Variants in ARFGEF2 observed in about 807,000 individuals in gnomAD.
ARFGEF2 encodes ARF guanine nucleotide exchange factor 2.
A neutral mutation model predicts 219.9 loss-of-function variants in ARFGEF2; 74 were observed. The ratio of observed to expected loss-of-function variants is 0.34; its 90% confidence interval spans 0.28 to 0.41. ARFGEF2 has a LOEUF of 0.41. ARFGEF2 is among the 10% of genes least tolerant of loss of function. ARFGEF2 has a pLI of 1.00. For synonymous variants in ARFGEF2, 733 were observed against 799.2 expected, an observed-to-expected ratio of 0.92 and a Z score of 1.40; for missense variants, 1,743 against 2,218.3, an observed-to-expected ratio of 0.79 and a Z score of 4.30.
At chr20:49,004,569 G>T (rs1316000601) in intron 25 of ARFGEF2, among the ~76,000 whole-genome samples, 2 of 151,996 alleles carry the variant, frequency 1.3e-5, no homozygotes, top group African/African-American at 4.8e-5. Flanking sequence ...GGGAGGCCAA[G>T]GCAGGTGGAT....
intron 27 of ARFGEF2, among the ~76,000 whole-genome samples, chr20:49,010,994 C>T (rs1191565030): frequency 1.3e-5 from 2 of 152,104 alleles, no homozygotes; most frequent in East Asian, 1.9e-4. Flanking sequence ...TTTACATTTT[C>T]GTGCTTTTTG....
rs555514653 is a variant in ARFGEF2 at position 48,932,931 on chromosome 20, T to G, written c.122-8268T>G. Among the ~76,000 whole-genome samples the G allele has an allele frequency of 1.9e-3, 294 of 152,018 alleles. 5 individuals carry two copies. Among genetic ancestry groups the G allele is most frequent in the Non-Finnish European group, 2.1e-3 (145 of 67,950 alleles). ...TAGAAGTCTGAGGAGTGTGGAAGGG[T>G]TACTGTGGGATCTGGGGGCATTGGC... On this transcript the variant is annotated intron_variant, in intron 1 of 38. Coordinates refer to ENST00000371917, the MANE Select transcript of ARFGEF2 (RefSeq NM_006420.3).
At chr20:48,924,480 C>A (rs1394545461) in intron 1 of ARFGEF2, among the ~76,000 whole-genome samples, 1 of 144,534 alleles carries the variant, frequency 6.9e-6, no homozygotes, top group Non-Finnish European at 1.5e-5. Context: ...CCACTGCACT[C>A]CAGCCTGGGC....
intron 1 of ARFGEF2, among the ~76,000 whole-genome samples, chr20:48,931,933 T>C (rs1034750630): frequency 6.6e-6 from 1 of 152,210 alleles, no homozygotes; most frequent in African/African-American, 2.4e-5. Flanking sequence ...GGCATCCCTC[T>C]GGCTGCTGTT....
intron 1 of ARFGEF2, among the ~76,000 whole-genome samples, chr20:48,929,396 T>A (rs905103597): frequency 1.3e-5 from 2 of 152,372 alleles, no homozygotes; most frequent in Admixed American, 1.3e-4. Context: ...GCCTGTTGAC[T>A]AAACCAGACC....
intron 16 of ARFGEF2, among the ~76,000 whole-genome samples, chr20:48,987,440 T>C (rs1307575710): frequency 6.6e-6 from 1 of 152,246 alleles, no homozygotes; most frequent in African/African-American, 2.4e-5. Context: ...ACATATTGTT[T>C]AGAACAACAT....
intron 3 of ARFGEF2, among the ~76,000 whole-genome samples, chr20:48,946,451 C>A (rs2091027474): frequency 6.6e-6 from 1 of 151,190 alleles, no homozygotes; most frequent in African/African-American, 2.4e-5. Flanking sequence ...AAGTAGTCCC[C>A]AAGTTTTTCT....
Position 48,973,239 on chromosome 20 carries a change from T to C in ARFGEF2, c.1620T>C (p.Ile540=), listed in dbSNP as rs1250990386. Residue 540 remains isoleucine (I), a synonymous_variant, in exon 12 of 39, where the codon ATT becomes ATC. Transcript: ENST00000371917. ...FERLVNDLSK[I]AQGRSGHELG... Reference sequence around the variant, plus strand: ...GCCTTGTAAATGATTTATCCAAAATTGCTCAGGGAAGAAGTGGACATGAGC... The same window carrying C: ...GCCTTGTAAATGATTTATCCAAAATCGCTCAGGGAAGAAGTGGACATGAGC... 6.2e-7 allele frequency: 1 copy of C among 1,614,094 alleles called. No individual in the cohort carries two copies. Among genetic ancestry groups the C allele is most frequent in the African/African-American group, 1.3e-5 (1 of 74,934 alleles).
chr20:48,994,929 AG>A (rs1229171602), intron 22 of ARFGEF2, among the ~76,000 whole-genome samples: 1 of 152,128 alleles, frequency 6.6e-6, no homozygotes, highest in Non-Finnish European at 1.5e-5. Context: ...TAGGTTTTAA[AG>A]GGTAGGTTCA....
chr20:48,921,957 A>C lies in ARFGEF2; in HGVS notation c.68A>C (p.Glu23Ala). ...CTGGAGAAGATCCTAGCCGACAAGG[A>C]GGTGAAGCGGCCCCAGCACTCCCAG... ...RALEKILADK[E>A]VKRPQHSQLR... is the part of the protein sequence containing the mutation. The change falls in exon 1 of 39, where the codon GAG becomes GCG. Residue 23 changes from glutamate to alanine, a missense_variant. Glu to Ala is a moderately radical substitution (Grantham distance 107). This residue lies in a region of ARFGEF2 where 394 missense variants were observed against 426.6 expected (regional missense o/e 0.92). Coordinates refer to ENST00000371917, the MANE Select transcript of ARFGEF2 (RefSeq NM_006420.3). 1 of 1,574,360 alleles carries C rather than the reference A, an allele frequency of 6.4e-7. No homozygotes were observed. Among genetic ancestry groups the C allele is most frequent in the Non-Finnish European group, 8.6e-7 (1 of 1,160,292 alleles).
chr20:48,998,759 A>G (rs938799004), intron 25 of ARFGEF2, among the ~76,000 whole-genome samples: 1 of 152,214 alleles, frequency 6.6e-6, no homozygotes, highest in African/African-American at 2.4e-5. Flanking sequence ...GGCTAAGACC[A>G]CAAAGATTAT....
chr20:48,936,158 TG>T (rs1475881136), intron 1 of ARFGEF2, among the ~76,000 whole-genome samples: 1 of 132,458 alleles, frequency 7.5e-6, no homozygotes, highest in African/African-American at 2.9e-5. Context: ...ACGGGGCGGC[TG>T]GCCGGGCAGA....
rs537557721 is a variant in ARFGEF2 at position 48,947,698 on chromosome 20, T to C, written c.277-3625T>C. On this transcript the variant is annotated intron_variant, in intron 3 of 38. Coordinates refer to ENST00000371917, the MANE Select transcript of ARFGEF2 (RefSeq NM_006420.3). Reference sequence around the variant, plus strand: ...CAACATGGGGTGCCTGTACTAAAAATACAAAAAATTAGCCAGGCATAGTGG... The same window carrying C: ...CAACATGGGGTGCCTGTACTAAAAACACAAAAAATTAGCCAGGCATAGTGG... Among the ~76,000 whole-genome samples the C allele has an allele frequency of 4.7e-4, 71 of 152,082 alleles. 1 individual carries two copies. Among genetic ancestry groups the C allele is most frequent in the Non-Finnish European group, 4.4e-5 (3 of 67,980 alleles).
chr20:48,935,084 T>C (rs1444132747), intron 1 of ARFGEF2, among the ~76,000 whole-genome samples: 1 of 141,570 alleles, frequency 7.1e-6, no homozygotes, highest in African/African-American at 2.8e-5. Flanking sequence ...GTGGTTTTGA[T>C]TTGCATTTCT....
chr20:48,983,725 A>G (rs1180124920), intron 14 of ARFGEF2, among the ~76,000 whole-genome samples: 1 of 152,232 alleles, frequency 6.6e-6, no homozygotes, highest in Non-Finnish European at 1.5e-5. Context: ...TTGGTAAAAC[A>G]TCTCTTACTC....
intron 6 of ARFGEF2, among the ~76,000 whole-genome samples, chr20:48,958,810 A>G (rs1362530712): frequency 1.3e-5 from 2 of 152,076 alleles, no homozygotes; most frequent in Non-Finnish European, 2.9e-5. Flanking sequence ...CAGACATGTT[A>G]CTTTCCTGCT....
At chr20:48,966,119 A>T in intron 8 of ARFGEF2, 96 bp downstream of exon 8, 1 of 1,477,238 alleles carries the variant, frequency 6.8e-7, no homozygotes, top group Non-Finnish European at 9.3e-7. Flanking sequence ...AACTAAAATA[A>T]GCAAGCCCTG....
intron 12 of ARFGEF2, among the ~76,000 whole-genome samples, chr20:48,973,629 T>G (rs1175940458): frequency 2.0e-5 from 3 of 152,140 alleles, no homozygotes; most frequent in Non-Finnish European, 2.9e-5. Flanking sequence ...AAAGATAGCG[T>G]GGAAAACAGG....
chr20:49,018,961 C>G lies in ARFGEF2; in HGVS notation c.4587C>G (p.Asn1529Lys), dbSNP rs914913476. The G allele has an allele frequency of 1.2e-6, 2 of 1,613,992 alleles. No individual in the cohort carries two copies. ...AGAGGGGACAGAGCCAGCTCTCTAA[C>G]CCAACAGATGACAGCTGGAAGGGTA... ...PSERGQSQLS[N>K]PTDDSWKGRP... The change falls in exon 34 of 39, where the codon AAC becomes AAG. Residue 1529 changes from asparagine to lysine, a missense_variant. Asn to Lys is a moderately conservative substitution (Grantham distance 94, BLOSUM62 0). Around this residue, in one of 5 missense-constraint regions of ARFGEF2, gnomAD observed 578 missense variants for 664.0 expected, o/e 0.87. Coordinates refer to ENST00000371917, the MANE Select transcript of ARFGEF2 (RefSeq NM_006420.3).
Sources: gnomAD v4.1 joint callset for allele counts (sites outside exome capture counted in the v4.1 genomes callset) on GRCh38, gnomAD v4.1.1 for gene constraint, gnomAD v4.1.1 regional missense constraint, MANE v1.5 for transcripts, NCBI Gene and HGNC (gene_info 2026-07-23, HGNC 2026-07-21) for gene names.